Variants in LYPLAL1 observed in about 807,000 individuals in gnomAD.
LYPLAL1 encodes lysophospholipase like 1, also known as lysophospholipase-like protein 1.
A neutral mutation model predicts 19.7 loss-of-function variants in LYPLAL1; 23 were observed. The ratio of observed to expected loss-of-function variants is 1.17; its 90% CI spans 0.84 to 1.65. The LOEUF (loss-of-function observed/expected upper bound fraction) is 1.65. LYPLAL1 is among the 40% of genes most tolerant of loss of function. The pLI, the probability that LYPLAL1 is intolerant of heterozygous loss-of-function variation, is 0.00. For missense variants in LYPLAL1, 355 were observed against 279.4 expected (o/e 1.27, Z -1.93); for synonymous variants, 119 against 96.3 (o/e 1.24, Z -1.38).
At chr1:219,445,362 A>ATTTTGTGTG in the LYPLAL1 span, among the ~76,000 whole-genome samples, 29 of 111,848 alleles carry the variant, frequency 2.6e-4, no homozygotes, top group African/African-American at 9.3e-4. Flanking sequence ...AAACTAGATT[A>ATTTTGTGTG]TTTTGTGTGT....
chr1:219,336,829 A>G, the LYPLAL1 span, among the ~76,000 whole-genome samples: 17 of 152,008 alleles, frequency 1.1e-4, no homozygotes, highest in African/African-American at 4.1e-4. Flanking sequence ...AGTAGAGTAA[A>G]AGAAATCTGC....
the LYPLAL1 span, among the ~76,000 whole-genome samples, chr1:219,324,496 C>T: frequency 5.9e-5 from 9 of 152,142 alleles, no homozygotes; most frequent in Admixed American, 1.3e-4. Flanking sequence ...CCTCTGCACT[C>T]GTGTTTCCTG....
At chr1:219,200,465 C>CA (rs1658008077) in intron 3 of LYPLAL1, 4 of 159,484 alleles carry the variant, frequency 2.5e-5, no homozygotes. Flanking sequence ...CTAGATGGTG[C>CA]AAAACATTGA....
the LYPLAL1 span, among the ~76,000 whole-genome samples, chr1:219,395,801 G>A: frequency 6.6e-6 from 1 of 152,056 alleles, no homozygotes; most frequent in African/African-American, 2.4e-5. Context: ...TACATATGGT[G>A]TAAGGAAGGG....
At chr1:219,437,072 G>A in the LYPLAL1 span, 1 of 152,348 alleles carries the variant, frequency 6.6e-6, no homozygotes, top group East Asian at 1.9e-4. Context: ...TGTATACAGA[G>A]TGGACTAGGT....
At chr1:219,264,156 A>T in the LYPLAL1 span, among the ~76,000 whole-genome samples, 1 of 152,170 alleles carries the variant, frequency 6.6e-6, no homozygotes, top group African/African-American at 2.4e-5. Flanking sequence ...GAGTAATCCT[A>T]TATTCAGGTC....
chr1:219,356,083 A>G, the LYPLAL1 span, among the ~76,000 whole-genome samples: 3 of 152,318 alleles, frequency 2.0e-5, no homozygotes, highest in East Asian at 5.8e-4. Context: ...TAAAACTGAG[A>G]ATTTAATAAA....
intron 2 of LYPLAL1, among the ~76,000 whole-genome samples, chr1:219,187,363 A>G (rs954368207): frequency 6.6e-6 from 1 of 151,488 alleles, no homozygotes; most frequent in East Asian, 1.9e-4. Context: ...AAAGTCAGCA[A>G]TTAGTTTGCT....
intron 2 of LYPLAL1, among the ~76,000 whole-genome samples, chr1:219,189,711 A>G (rs1488510226): frequency 6.6e-6 from 1 of 151,612 alleles, no homozygotes; most frequent in Non-Finnish European, 1.5e-5. Context: ...AGAGCAATGA[A>G]GGAAAAGCTC....
chr1:219,399,803 T>G, the LYPLAL1 span, among the ~76,000 whole-genome samples: 2 of 152,144 alleles, frequency 1.3e-5, no homozygotes, highest in Non-Finnish European at 2.9e-5. Flanking sequence ...GACTGCCCAG[T>G]AGAGTTCAGG....
the LYPLAL1 span, among the ~76,000 whole-genome samples, chr1:219,442,866 T>A: frequency 6.6e-5 from 10 of 151,936 alleles, no homozygotes; most frequent in African/African-American, 1.7e-4. Context: ...GATTTTTATC[T>A]TCCGACTTCA....
At chr1:219,363,224 A>T in the LYPLAL1 span, among the ~76,000 whole-genome samples, 1 of 152,142 alleles carries the variant, frequency 6.6e-6, no homozygotes, top group Non-Finnish European at 1.5e-5. Context: ...AGGAATGTCT[A>T]TTCCCTGCTT....
At chr1:219,380,873 G>A in the LYPLAL1 span, among the ~76,000 whole-genome samples, 1 of 152,292 alleles carries the variant, frequency 6.6e-6, no homozygotes, top group East Asian at 1.9e-4. Flanking sequence ...GGGAGAGGCT[G>A]TGTTCTAATA....
At chr1:219,249,663 A>G in the LYPLAL1 span, among the ~76,000 whole-genome samples, 1 of 152,066 alleles carries the variant, frequency 6.6e-6, no homozygotes, top group African/African-American at 2.4e-5. Flanking sequence ...ACAAAAGTGC[A>G]TGAAAGTACT....
the LYPLAL1 span, among the ~76,000 whole-genome samples, chr1:219,419,594 C>CACACACACACACACACACACACACACAG: frequency 6.0e-5 from 6 of 99,528 alleles, no homozygotes; most frequent in African/African-American, 2.0e-4. Context: ...CACACACACA[C>CACACACACACACACACACACACACACAG]AGAGAGAGAG....
chr1:219,257,798 G>T, the LYPLAL1 span, among the ~76,000 whole-genome samples: 15 of 152,088 alleles, frequency 9.9e-5, no homozygotes, highest in Non-Finnish European at 1.9e-4. Context: ...GCAGAGAACT[G>T]GTCTGATCTC....
chr1:219,427,989 C>T, the LYPLAL1 span, among the ~76,000 whole-genome samples: 2 of 152,192 alleles, frequency 1.3e-5, no homozygotes, highest in African/African-American at 4.8e-5. Flanking sequence ...AGGCCTTCAT[C>T]TTGCCATGAC....
At chr1:219,388,597 G>A in the LYPLAL1 span, among the ~76,000 whole-genome samples, 1 of 152,136 alleles carries the variant, frequency 6.6e-6, no homozygotes, top group Admixed American at 6.6e-5. Flanking sequence ...TCAGCAAGAT[G>A]TTTGTGTGGG....
intron 2 of LYPLAL1, among the ~76,000 whole-genome samples, chr1:219,189,867 A>G (rs753872555): frequency 7.3e-5 from 11 of 151,688 alleles, no homozygotes; most frequent in Non-Finnish European, 1.5e-4. Flanking sequence ...TTTTTGATAA[A>G]TTTATTGGAT....
Sources: gnomAD v4.1 joint callset for allele counts (sites outside exome capture counted in the v4.1 genomes callset) on GRCh38, gnomAD v4.1.1 for gene constraint, MANE v1.5 for transcripts, NCBI Gene and HGNC (gene_info 2026-07-23, HGNC 2026-07-21) for gene names.